The following OMA1 variants were observed in gnomAD, a reference collection of about 807,000 sequenced individuals.
The protein encoded by OMA1 is metalloendopeptidase OMA1, mitochondrial.
A neutral mutation model predicts 30.9 loss-of-function variants in OMA1; 38 were observed. The ratio of observed to expected loss-of-function variants is 1.23; its 90% CI spans 0.95 to 1.61. The LOEUF (loss-of-function observed/expected upper bound fraction) is 1.61, where lower values mean the gene tolerates loss of function less well. Among genes scored for constraint, OMA1 ranks in the 40% most tolerant of loss-of-function variants. The probability of loss-of-function intolerance (pLI) is 0.00; values close to 1 mark genes in which losing one functional copy is unlikely to be tolerated. For missense variants in OMA1, 461 were observed against 349.2 expected (o/e 1.32, Z -2.55); for synonymous variants, 173 against 121.9 (o/e 1.42, Z -2.76).
chr1:58,501,512 C>A (rs981579672), intron 8 of OMA1, among the ~76,000 whole-genome samples: 1 of 152,186 alleles, frequency 6.6e-6, no homozygotes, highest in African/African-American at 2.4e-5. Flanking sequence ...ACGCCCTCCC[C>A]CTTCCCTTGC....
At chr1:58,531,796 GC>G (rs1444474261) in intron 5 of OMA1, among the ~76,000 whole-genome samples, 2 of 151,766 alleles carry the variant, frequency 1.3e-5, no homozygotes, top group Non-Finnish European at 2.9e-5. Flanking sequence ...TGCAACCTCC[GC>G]CTCCAGGTTC....
intron 8 of OMA1, among the ~76,000 whole-genome samples, chr1:58,493,001 A>G (rs1276357427): frequency 2.0e-5 from 3 of 152,148 alleles, no homozygotes; most frequent in African/African-American, 4.8e-5. Flanking sequence ...GATGAACATC[A>G]ATGCAAAAAT....
At chr1:58,485,449 A>T (rs967811757) in intron 8 of OMA1, among the ~76,000 whole-genome samples, 43 of 152,086 alleles carry the variant, frequency 2.8e-4, no homozygotes, top group African/African-American at 9.6e-4. Context: ...TGTTCTTCAT[A>T]CAGGTTTTCT....
At chr1:58,523,882 G>C (rs1646307777) in intron 7 of OMA1, among the ~76,000 whole-genome samples, 1 of 152,122 alleles carries the variant, frequency 6.6e-6, no homozygotes, top group Admixed American at 6.5e-5. Context: ...CTGGGTGACA[G>C]AGCGAGACTC....
intron 7 of OMA1, among the ~76,000 whole-genome samples, chr1:58,513,315 T>C (rs940367901): frequency 2.6e-5 from 4 of 152,210 alleles, no homozygotes; most frequent in African/African-American, 7.2e-5. Flanking sequence ...TCCCCAGCCA[T>C]GGAGAACTGT....
intron 7 of OMA1, among the ~76,000 whole-genome samples, chr1:58,510,797 A>G (rs1646063742): frequency 6.6e-6 from 1 of 152,192 alleles, no homozygotes; most frequent in South Asian, 2.1e-4. Flanking sequence ...AAAAATCAGC[A>G]TACAAAAGTC....
chr1:58,544,752 T>C (rs894478453), intron 1 of OMA1, among the ~76,000 whole-genome samples: 10 of 152,066 alleles, frequency 6.6e-5, no homozygotes, highest in African/African-American at 2.4e-4. Flanking sequence ...CATTACCACA[T>C]CTGGCTAATT....
chr1:58,523,162 G>C (rs1339614481), intron 7 of OMA1, among the ~76,000 whole-genome samples: 1 of 152,078 alleles, frequency 6.6e-6, no homozygotes, highest in Non-Finnish European at 1.5e-5. Flanking sequence ...CCCCTGATAA[G>C]GTGTTTCTAT....
intron 7 of OMA1, among the ~76,000 whole-genome samples, chr1:58,518,354 G>GAAGAGAAGAGAAGAGAAGAGAAGA (rs1428140129): frequency 1.2e-4 from 4 of 32,424 alleles, no homozygotes; most frequent in Non-Finnish European, 3.1e-4. Flanking sequence ...AGAAGAGAAG[G>GAAGAGAAGAGAAGAGAAGAGAAGA]GAAGGGAAGA....
chr1:58,500,363 C>A (rs574275492), intron 8 of OMA1, among the ~76,000 whole-genome samples: 2 of 152,132 alleles, frequency 1.3e-5, no homozygotes, highest in Admixed American at 6.6e-5. Context: ...CACTGGCCAA[C>A]AACGACATTT....
At chr1:58,485,012 T>C (rs911085342) in intron 8 of OMA1, among the ~76,000 whole-genome samples, 1 of 151,952 alleles carries the variant, frequency 6.6e-6, no homozygotes, top group Non-Finnish European at 1.5e-5. Flanking sequence ...ATGCACTGAA[T>C]GTACAGCACC....
In OMA1 at chr1:58,533,903, T is replaced by G. The variant is rs765296452; in HGVS notation, c.1011+50A>C. On this transcript the variant is annotated intron_variant, in intron 5 of 8. Coordinates refer to ENST00000371226, the MANE Select transcript of OMA1 (RefSeq NM_145243.5). ...CAGTTCTTTAAAAGATTTAACTTGT[T>G]AACTTCAAAGCAGTTTTTCCAAACC... 3.9e-5 allele frequency: 33 copies of G among 841,782 alleles called. No homozygotes were observed. In the South Asian group the frequency reaches 4.4e-4, roughly 11 times the overall value. The allele number at this position is 841,782 out of a possible 1,614,324, so 52.1% of individuals were successfully genotyped here. A position where few individuals can be genotyped will look rare whatever the true frequency, so the allele number is the denominator to read the frequency against.
intron 1 of OMA1, among the ~76,000 whole-genome samples, chr1:58,543,665 T>C (rs952053928): frequency 2.6e-5 from 4 of 152,194 alleles, no homozygotes; most frequent in African/African-American, 9.7e-5. Context: ...AAATACCAGG[T>C]AATCATTTAA....
At position 58,529,776 on chromosome 1, in the gene OMA1, A is replaced by G. The variant is rs568373091; in HGVS notation, c.1140+825T>C. 9.8e-5 allele frequency among the ~76,000 whole-genome samples: 15 copies of G among 152,372 alleles called. 1 individual carries two copies. In the East Asian group the frequency reaches 2.5e-3, roughly 25 times the overall value. ...ACAACTTAAAAATATATATAGTAAA[A>G]TAACTATTTACATAGCATTTACATT... On this transcript the variant is annotated intron_variant, in intron 6 of 8. Coordinates refer to ENST00000371226, the MANE Select transcript of OMA1 (RefSeq NM_145243.5).
At chr1:58,538,749 T>C (rs1646557445) in intron 2 of OMA1, 46 bp downstream of exon 2, 1 of 709,942 alleles carries the variant, frequency 1.4e-6, no homozygotes, top group South Asian at 2.1e-5. Context: ...AAAATATTAA[T>C]GCAAAAAGTT....
chr1:58,539,261 T>C lies in OMA1; in HGVS notation c.34A>G (p.Arg12Gly), dbSNP rs766813088. The C allele has an allele frequency of 1.0e-5, 9 of 866,774 alleles. No homozygotes were observed. The highest frequency in any genetic ancestry group is 1.8e-5 in the Non-Finnish European group (9 of 499,922). The allele number at this position is 866,774 out of a possible 1,614,324, so 53.7% of individuals were successfully genotyped here. ...TTAAATCGGAAGAAAACATGGTTTCTAGCAGCAGACTGCAATCCACAGATG... is the reference window on the plus strand; with the variant it reads ...TTAAATCGGAAGAAAACATGGTTTCCAGCAGCAGACTGCAATCCACAGATG... The part of the protein sequence containing the change: ...SFICGLQSAA[R>G]NHVFFRFNSL... Residue 12 changes from arginine (R) to glycine (G), a missense_variant, in exon 2 of 9, where the codon AGA (arginine) becomes GGA (glycine). Transcript: ENST00000371226.
At chr1:58,513,195 C>A (rs1259315062) in intron 7 of OMA1, among the ~76,000 whole-genome samples, 1 of 152,064 alleles carries the variant, frequency 6.6e-6, no homozygotes, top group Non-Finnish European at 1.5e-5. Flanking sequence ...CTCATGGGAT[C>A]TGATGGTTTT....
At chr1:58,525,784 C>A (rs1178411736) in intron 7 of OMA1, among the ~76,000 whole-genome samples, 1 of 152,062 alleles carries the variant, frequency 6.6e-6, no homozygotes, top group African/African-American at 2.4e-5. Context: ...CAGAACAACA[C>A]TGGAGGACAG....
chr1:58,505,482 A>G (rs1368140258), intron 8 of OMA1, among the ~76,000 whole-genome samples: 2 of 152,180 alleles, frequency 1.3e-5, no homozygotes, highest in Non-Finnish European at 2.9e-5. Context: ...AGGATACTGA[A>G]AACTACTTGG....
Sources: gnomAD v4.1 joint callset for allele counts (sites outside exome capture counted in the v4.1 genomes callset) on GRCh38, gnomAD v4.1.1 for gene constraint, MANE v1.5 for transcripts, NCBI Gene and HGNC (gene_info 2026-07-23, HGNC 2026-07-21) for gene names.